IGSF11: variants seen among roughly 807,000 people sequenced by gnomAD.
IGSF11 encodes the protein immunoglobulin superfamily member 11.
In IGSF11, 22 loss-of-function variants were observed where a neutral mutation model predicts 41.0. That is an observed-to-expected ratio of 0.54 (90% CI 0.38 to 0.77). The LOEUF (loss-of-function observed/expected upper bound fraction) is 0.77, where lower values mean the gene tolerates loss of function less well. Among genes scored for constraint, IGSF11 ranks in the 30% least tolerant of loss-of-function variants. IGSF11 has a pLI of 0.00. For missense variants in IGSF11, 444 were observed against 530.8 expected (o/e 0.84, Z 1.61); for synonymous variants, 219 against 201.3 (o/e 1.09, Z -0.74).
chr3:118,905,561 A>C, intron 5 of IGSF11, 35 bp downstream of exon 5: 1 of 1,611,826 alleles, frequency 6.2e-7, no homozygotes. Flanking sequence ...AGAGTTTCAG[A>C]CCCATGGTTG....
intron 1 of IGSF11, among the ~76,000 whole-genome samples, chr3:119,046,468 A>G (rs1038159414): frequency 6.6e-6 from 1 of 152,118 alleles, no homozygotes; most frequent in African/African-American, 2.4e-5. Context: ...GAAATGAGCA[A>G]AGCCTCCAAG....
intron 1 of IGSF11, among the ~76,000 whole-genome samples, chr3:119,025,271 T>C (rs1383259743): frequency 6.6e-6 from 1 of 152,172 alleles, no homozygotes; most frequent in African/African-American, 2.4e-5. Context: ...CACAAGATTA[T>C]AGAACTGGAA....
chr3:118,936,753 C>T (rs1480921983), intron 1 of IGSF11, among the ~76,000 whole-genome samples: 1 of 152,118 alleles, frequency 6.6e-6, no homozygotes, highest in East Asian at 1.9e-4. Context: ...CTTTAGACTC[C>T]TGTTTCCCAA....
intron 1 of IGSF11, among the ~76,000 whole-genome samples, chr3:119,034,154 G>C (rs978786493): frequency 1.3e-5 from 2 of 152,194 alleles, no homozygotes; most frequent in African/African-American, 4.8e-5. Flanking sequence ...AGTTTTCCTA[G>C]GGCCGCCTAG....
intron 1 of IGSF11, among the ~76,000 whole-genome samples, chr3:118,967,698 C>T (rs760207345): frequency 4.6e-5 from 7 of 152,112 alleles, no homozygotes; most frequent in African/African-American, 1.7e-4. Context: ...GTCCATTTTT[C>T]GCATAGTACC....
At chr3:118,923,001 C>T (rs1941970374) in intron 4 of IGSF11, among the ~76,000 whole-genome samples, 1 of 152,100 alleles carries the variant, frequency 6.6e-6, no homozygotes, top group African/African-American at 2.4e-5. Context: ...CTCCTAGAAA[C>T]AGGATGTCCT....
At chr3:119,025,585 T>C (rs1326813575) in intron 1 of IGSF11, among the ~76,000 whole-genome samples, 2 of 152,090 alleles carry the variant, frequency 1.3e-5, no homozygotes, top group African/African-American at 2.4e-5. Flanking sequence ...GGACATTAAA[T>C]AACATTCTCA....
intron 1 of IGSF11, among the ~76,000 whole-genome samples, chr3:119,086,487 GA>G (rs113078576): frequency 0.018 from 2,588 of 145,982 alleles, 63 homozygotes; most frequent in African/African-American, 0.058. Context: ...GGAGGGGGAG[GA>G]AAAAAAAAAA....
At chr3:118,990,901 T>G (rs1007000246) in intron 1 of IGSF11, among the ~76,000 whole-genome samples, 1 of 152,176 alleles carries the variant, frequency 6.6e-6, no homozygotes, top group Non-Finnish European at 1.5e-5. Flanking sequence ...GAGAGTTCCT[T>G]GATTGGAAGA....
At chr3:119,118,871 G>A (rs1395628491) in intron 1 of IGSF11, among the ~76,000 whole-genome samples, 1 of 151,996 alleles carries the variant, frequency 6.6e-6, no homozygotes, top group African/African-American at 2.4e-5. Context: ...AAATCTCTAG[G>A]ACAGGGGCAA....
In IGSF11 at chr3:119,034,763, C is replaced by T; in HGVS notation, c.-181G>A. 1.5e-6 allele frequency: 2 copies of T among 1,310,502 alleles called. No homozygotes were observed. The highest frequency in any genetic ancestry group is 1.9e-6 in the Non-Finnish European group (2 of 1,028,478). 81.2% of individuals were successfully genotyped at this position (1,310,502 alleles called of 1,614,324 possible). A position where few individuals can be genotyped will look rare whatever the true frequency, so the allele number is the denominator to read the frequency against. On this transcript the variant is annotated 5_prime_UTR_variant, in exon 1 of 7. Coordinates refer to ENST00000393775, the MANE Select transcript of IGSF11 (RefSeq NM_001015887.3). ...ACAGACGAGCCAAGTGCAGCTGCAG[C>T]GCCGCCCGGCTCCGCGGACGCTGAG... is the stretch of plus-strand genomic sequence containing the variant.
At chr3:119,142,042 G>A (rs964678802) in intron 1 of IGSF11, among the ~76,000 whole-genome samples, 1 of 152,046 alleles carries the variant, frequency 6.6e-6, no homozygotes, top group East Asian at 1.9e-4. Flanking sequence ...TTGGGAGGCC[G>A]AGGAGGACGG....
chr3:119,094,875 T>C (rs1203789215), intron 1 of IGSF11, among the ~76,000 whole-genome samples: 3 of 152,076 alleles, frequency 2.0e-5, no homozygotes, highest in African/African-American at 7.2e-5. Flanking sequence ...TTTCACCACA[T>C]TGGCCAGGCT....
intron 1 of IGSF11, among the ~76,000 whole-genome samples, chr3:119,055,215 C>G (rs781480227): frequency 3.9e-5 from 6 of 152,124 alleles, no homozygotes; most frequent in African/African-American, 9.7e-5. Flanking sequence ...AGATAAACCA[C>G]AAAGATGGGG....
intron 1 of IGSF11, among the ~76,000 whole-genome samples, chr3:118,969,727 G>T (rs1933156497): frequency 6.6e-6 from 1 of 152,116 alleles, no homozygotes; most frequent in Non-Finnish European, 1.5e-5. Flanking sequence ...GTCAAGTCAG[G>T]GTAATCTCAA....
chr3:119,116,371 C>A (rs1355866287), intron 1 of IGSF11, among the ~76,000 whole-genome samples: 1 of 152,094 alleles, frequency 6.6e-6, no homozygotes, highest in Non-Finnish European at 1.5e-5. Context: ...TGGAATTATA[C>A]CACTGGATGT....
intron 1 of IGSF11, among the ~76,000 whole-genome samples, chr3:119,050,661 G>A (rs1401916104): frequency 2.4e-4 from 36 of 152,016 alleles, no homozygotes; most frequent in African/African-American, 6.8e-4. Context: ...TACCCAAAGG[G>A]TTATAAATCA....
At chr3:119,127,841 G>C (rs2077423972) in intron 1 of IGSF11, among the ~76,000 whole-genome samples, 1 of 152,182 alleles carries the variant, frequency 6.6e-6, no homozygotes, top group Admixed American at 6.5e-5. Context: ...ATCCTTTCTA[G>C]ACAAGCAAAT....
At chr3:119,005,789 G>GC (rs927390168) in intron 1 of IGSF11, among the ~76,000 whole-genome samples, 12 of 109,440 alleles carry the variant, frequency 1.1e-4, no homozygotes, top group Admixed American at 1.8e-4. Flanking sequence ...TTGAATATCG[G>GC]CCCCCACTCT....
Sources: gnomAD v4.1 joint callset for allele counts (sites outside exome capture counted in the v4.1 genomes callset) on GRCh38, gnomAD v4.1.1 for gene constraint, MANE v1.5 for transcripts, NCBI Gene and HGNC (gene_info 2026-07-23, HGNC 2026-07-21) for gene names.